MAP3K20: variants seen among roughly 807,000 people sequenced by gnomAD.
MAP3K20 encodes the protein HCCS-4.
A neutral mutation model predicts 85.7 loss-of-function variants in MAP3K20; 40 were observed. The observed-to-expected ratio is 0.47, with a 90% confidence interval of 0.36 to 0.61. MAP3K20 has a LOEUF of 0.61. Ranked by LOEUF, MAP3K20 falls within the 20% of genes least tolerant of loss-of-function variation. The pLI is 0.00. For missense variants in MAP3K20, 817 were observed against 961.7 expected, an observed-to-expected ratio of 0.85 and a Z score of 1.99; for synonymous variants, 325 against 327.7, an observed-to-expected ratio of 0.99 and a Z score of 0.09.
chr2:173,180,681 T>A (rs1690299039), intron 3 of MAP3K20, among the ~76,000 whole-genome samples: 2 of 149,372 alleles, frequency 1.3e-5, no homozygotes, highest in African/African-American at 4.9e-5. Context: ...GTCTCAAAAA[T>A]AAATCCATAT....
At chr2:173,225,980 T>G in intron 11 of MAP3K20, 1 of 985,300 alleles carries the variant, frequency 1.0e-6, no homozygotes, top group South Asian at 4.7e-5. Flanking sequence ...CTCCTTTTTC[T>G]ACTCATTTTT....
chr2:173,257,259 C>T (rs541271806), intron 16 of MAP3K20, among the ~76,000 whole-genome samples: 4 of 152,096 alleles, frequency 2.6e-5, no homozygotes, highest in African/African-American at 9.7e-5. Context: ...AATGCATGCA[C>T]CTATGTAACC....
At chr2:173,186,768 G>A (rs984002275) in intron 4 of MAP3K20, among the ~76,000 whole-genome samples, 6 of 151,982 alleles carry the variant, frequency 3.9e-5, no homozygotes, top group Non-Finnish European at 8.8e-5. Flanking sequence ...TAAAGGGGTA[G>A]ACAATACGTA....
At chr2:173,242,696 TTTC>T (rs1380370823) in intron 16 of MAP3K20, among the ~76,000 whole-genome samples, 3,254 of 124,014 alleles carry the variant, frequency 0.026, 49 homozygotes, top group South Asian at 0.068. Flanking sequence ...CAGAGTAATC[TTTC>T]TTTTTTTTTT....
chr2:173,191,290 G>T, intron 7 of MAP3K20, 113 bp downstream of exon 7: 2 of 1,410,084 alleles, frequency 1.4e-6, no homozygotes, highest in Non-Finnish European at 1.9e-6. Flanking sequence ...TGTACTGCTG[G>T]TGGAATGCCT....
intron 9 of MAP3K20, among the ~76,000 whole-genome samples, chr2:173,208,325 G>A (rs900839558): frequency 6.6e-6 from 1 of 151,830 alleles, no homozygotes. Context: ...GTGAGCCCAG[G>A]TGGTCGAGGC....
chr2:173,214,202 A>ATGATGAT (rs66489761), intron 10 of MAP3K20: 2 of 35,630 alleles, frequency 5.6e-5, no homozygotes, highest in Non-Finnish European at 1.2e-4. Context: ...GACCTAATAA[A>ATGATGAT]TGATAGGAAC....
rs150855284 is a variant in MAP3K20, at chr2:173,258,680, ATTTTGT to A, written c.1360-14_1360-9del. On this transcript the variant is annotated splice_polypyrimidine_tract_variant and intron_variant, in intron 16 of 19. Coordinates refer to ENST00000375213, the MANE Select transcript of MAP3K20 (RefSeq NM_016653.3). ...TTGTTTCACTTTCTCAAATTCTGTA[ATTTTGT>A]TTTTAATTCCAGGATTGTAAGTGGA... 0.058 allele frequency: 85,396 copies of A among 1,481,368 alleles called. 6,358 individuals carry two copies. The highest frequency in any genetic ancestry group is 0.44 in the East Asian group (19,409 of 43,820). 91.8% of individuals were successfully genotyped at this position (1,481,368 alleles called of 1,614,324 possible). A position where few individuals can be genotyped will look rare whatever the true frequency, so the allele number is the denominator to read the frequency against.
chr2:173,243,696 C>T (rs763261871), intron 16 of MAP3K20, among the ~76,000 whole-genome samples: 1 of 152,216 alleles, frequency 6.6e-6, no homozygotes, highest in Non-Finnish European at 1.5e-5. Flanking sequence ...CGGCTCACTG[C>T]AAGCTCCGCC....
At chr2:173,152,297 C>T (rs565728017) in intron 2 of MAP3K20, among the ~76,000 whole-genome samples, 1 of 152,278 alleles carries the variant, frequency 6.6e-6, no homozygotes, top group African/African-American at 2.4e-5. Context: ...TCTTGAAGGT[C>T]ATATTTAGCT....
At chr2:173,168,757 T>C (rs1689913025) in intron 2 of MAP3K20, among the ~76,000 whole-genome samples, 1 of 152,216 alleles carries the variant, frequency 6.6e-6, no homozygotes, top group Non-Finnish European at 1.5e-5. Flanking sequence ...TATTTATAAT[T>C]CTTGATTAGC....
At chr2:173,146,343 A>G (rs1176981534) in intron 2 of MAP3K20, among the ~76,000 whole-genome samples, 3 of 152,144 alleles carry the variant, frequency 2.0e-5, no homozygotes, top group Non-Finnish European at 4.4e-5. Context: ...ACATGCATAC[A>G]TGCACATATA....
intron 2 of MAP3K20, among the ~76,000 whole-genome samples, chr2:173,104,573 C>G (rs1333481768): frequency 1.3e-5 from 2 of 152,160 alleles, no homozygotes; most frequent in Non-Finnish European, 1.5e-5. Flanking sequence ...AGTTCATAGT[C>G]ATGTATCAAT....
intron 9 of MAP3K20, among the ~76,000 whole-genome samples, chr2:173,205,509 A>C (rs1479727436): frequency 6.6e-6 from 1 of 152,226 alleles, no homozygotes; most frequent in East Asian, 1.9e-4. Context: ...CACTGAGCAC[A>C]AAGTGTAATA....
chr2:173,188,305 C>A (rs2106271707), intron 5 of MAP3K20, among the ~76,000 whole-genome samples: 1 of 152,286 alleles, frequency 6.6e-6, no homozygotes, highest in Middle Eastern at 3.4e-3. Context: ...TGTTACATCA[C>A]TTCAGAGTTA....
chr2:173,248,920 C>T (rs1224612038), intron 16 of MAP3K20, among the ~76,000 whole-genome samples: 1 of 152,184 alleles, frequency 6.6e-6, no homozygotes, highest in Non-Finnish European at 1.5e-5. Context: ...CACATTATTG[C>T]TGGTTACCAA....
At chr2:173,153,355 A>G (rs1247377988) in intron 2 of MAP3K20, among the ~76,000 whole-genome samples, 1 of 152,182 alleles carries the variant, frequency 6.6e-6, no homozygotes, top group Non-Finnish European at 1.5e-5. Context: ...CTTTCTATCA[A>G]GTTATTCTCC....
Position 173,263,666 on chromosome 2 carries a change from A to G in MAP3K20, c.1552-79A>G. 9 of 1,408,044 alleles carry G rather than the reference A, an allele frequency of 6.4e-6. No individual in the cohort carries two copies. The South Asian group carries it at 1.1e-4, about 17-fold the overall frequency. 87.2% of individuals were successfully genotyped at this position (1,408,044 alleles called of 1,614,324 possible). The stretch of plus-strand genomic sequence containing the variant: ...AATAACCTGGATGACTTTCTTTCCC[A>G]TTTTATATATGTGTGTCTATTTGGT... On this transcript the variant is annotated intron_variant, in intron 18 of 19. Transcript: ENST00000375213.
chr2:173,223,351 C>T (rs1684302623), intron 11 of MAP3K20: 4 of 869,078 alleles, frequency 4.6e-6, no homozygotes, highest in Non-Finnish European at 2.8e-6. Flanking sequence ...AATAACAGTA[C>T]CTACTTGAAA....
Sources: gnomAD v4.1 joint callset for allele counts (sites outside exome capture counted in the v4.1 genomes callset) on GRCh38, gnomAD v4.1.1 for gene constraint, MANE v1.5 for transcripts, NCBI Gene and HGNC (gene_info 2026-07-23, HGNC 2026-07-21) for gene names.